The following GRM7 variants were observed in gnomAD, a reference collection of about 807,000 sequenced individuals.
GRM7 encodes glutamate metabotropic receptor 7, also known as metabotropic glutamate receptor 7.
Under a neutral mutation model 84.5 loss-of-function variants are expected in GRM7, and 35 were observed. The ratio of observed to expected loss-of-function variants is 0.41; its 90% CI spans 0.32 to 0.55. The LOEUF is 0.55. Among genes scored for constraint, GRM7 ranks in the 20% least tolerant of loss-of-function variants. The pLI is 0.19. For synonymous variants in GRM7, 487 were observed against 455.1 expected, an observed-to-expected ratio of 1.07 and a Z score of -0.89; for missense variants, 1,003 against 1,194.6, an observed-to-expected ratio of 0.84 and a Z score of 2.36.
chr3:6,940,611 C>T (rs1190664340), intron 1 of GRM7, among the ~76,000 whole-genome samples: 1 of 152,130 alleles, frequency 6.6e-6, no homozygotes, highest in African/African-American at 2.4e-5. Context: ...TTTCTTCTTT[C>T]TTTCACACAC....
chr3:7,066,989 C>T (rs959320475), intron 1 of GRM7, among the ~76,000 whole-genome samples: 26 of 151,890 alleles, frequency 1.7e-4, no homozygotes, highest in Non-Finnish European at 1.5e-5. Flanking sequence ...ATGCTTAAAA[C>T]TCTCAGCAAA....
intron 3 of GRM7, among the ~76,000 whole-genome samples, chr3:7,303,179 A>G (rs1479857740): frequency 6.6e-6 from 1 of 152,056 alleles, no homozygotes; most frequent in Non-Finnish European, 1.5e-5. Flanking sequence ...TGACCTTGTG[A>G]TCCACCTGCC....
intron 7 of GRM7, among the ~76,000 whole-genome samples, chr3:7,558,878 G>T (rs1189595121): frequency 6.6e-6 from 1 of 152,094 alleles, no homozygotes; most frequent in Non-Finnish European, 1.5e-5. Context: ...CTTCAAAGCA[G>T]TTCTCAAGAA....
intron 2 of GRM7, among the ~76,000 whole-genome samples, chr3:7,176,854 C>G (rs1695167572): frequency 6.6e-6 from 1 of 152,184 alleles, no homozygotes; most frequent in Non-Finnish European, 1.5e-5. Flanking sequence ...ATACCTGTGA[C>G]TTCAGGAATC....
intron 4 of GRM7, among the ~76,000 whole-genome samples, chr3:7,407,590 T>A (rs1695738083): frequency 6.6e-6 from 1 of 150,878 alleles, no homozygotes; most frequent in South Asian, 2.2e-4. Context: ...TAAGGTATCC[T>A]ACTATCCTTA....
chr3:7,559,190 A>G (rs1575492525), intron 7 of GRM7: 1 of 146,900 alleles, frequency 6.8e-6, no homozygotes, highest in East Asian at 2.1e-4. Flanking sequence ...CACTGAGGGC[A>G]TCAACAAGAT....
At chr3:7,214,495 A>G (rs114745478) in intron 2 of GRM7, among the ~76,000 whole-genome samples, 2,263 of 152,308 alleles carry the variant, frequency 0.015, 58 homozygotes, top group African/African-American at 0.052. Context: ...TAACGGAGCT[A>G]TGTTCTACTT....
At position 7,452,671 on chromosome 3, in the gene GRM7, C is replaced by T. The variant is rs773679767; in HGVS notation, c.1239C>T (p.Asp413=). 4.3e-5 allele frequency: 70 copies of T among 1,612,896 alleles called. No homozygotes were observed. Among genetic ancestry groups the T allele is most frequent in the Middle Eastern group, 1.6e-4 (1 of 6,070 alleles). The part of the protein sequence containing the change: ...EQEGKVQFVI[D]AVYAMAHALH... ...AGGGTAAAGTCCAGTTCGTGATTGA[C>T]GCAGTCTATGCTATGGCTCACGCCC... Residue 413 remains aspartate, a synonymous_variant, in exon 6 of 10, where the codon GAC becomes GAT. Coordinates refer to ENST00000357716, the MANE Select transcript of GRM7 (RefSeq NM_000844.4).
At chr3:7,261,562 G>A (rs1161654188) in intron 2 of GRM7, among the ~76,000 whole-genome samples, 1 of 152,122 alleles carries the variant, frequency 6.6e-6, no homozygotes, top group Non-Finnish European at 1.5e-5. Context: ...GCCACTGCGT[G>A]TCTTTTAATT....
At chr3:7,144,178 T>C (rs909260280) in intron 1 of GRM7, among the ~76,000 whole-genome samples, 1 of 152,162 alleles carries the variant, frequency 6.6e-6, no homozygotes, top group South Asian at 2.1e-4. Context: ...ATTTAAAAAA[T>C]ATTTTAGTAA....
chr3:7,433,750 G>T (rs1047624728), intron 5 of GRM7, among the ~76,000 whole-genome samples: 1 of 152,118 alleles, frequency 6.6e-6, no homozygotes, highest in Non-Finnish European at 1.5e-5. Flanking sequence ...TATTCCCTAA[G>T]GAATGTTGAA....
At chr3:7,605,018 T>G (rs1696496211) in intron 8 of GRM7, among the ~76,000 whole-genome samples, 1 of 152,204 alleles carries the variant, frequency 6.6e-6, no homozygotes, top group Admixed American at 6.5e-5. Context: ...TTTCATTAGT[T>G]CATTCAGTCC....
intron 5 of GRM7, among the ~76,000 whole-genome samples, chr3:7,450,901 T>G (rs1246608751): frequency 6.6e-6 from 1 of 152,064 alleles, no homozygotes; most frequent in African/African-American, 2.4e-5. Context: ...ATTCTGAATT[T>G]CCCTCTTGGA....
chr3:6,951,555 G>A (rs1453254268), intron 1 of GRM7, among the ~76,000 whole-genome samples: 1 of 152,024 alleles, frequency 6.6e-6, no homozygotes, highest in African/African-American at 2.4e-5. Context: ...AGGTTATTTT[G>A]CAGTACATTA....
chr3:7,612,071 C>G (rs988437859), intron 8 of GRM7, among the ~76,000 whole-genome samples: 1 of 152,118 alleles, frequency 6.6e-6, no homozygotes, highest in African/African-American at 2.4e-5. Context: ...GATGCCTTCT[C>G]ACACCCTTCT....
chr3:6,932,880 G>T (rs989495120), intron 1 of GRM7, among the ~76,000 whole-genome samples: 1 of 147,924 alleles, frequency 6.8e-6, no homozygotes. Flanking sequence ...TCAGCCTCCT[G>T]AGTAGCTGGG....
intron 9 of GRM7, among the ~76,000 whole-genome samples, chr3:7,695,883 A>C (rs574053287): frequency 7.2e-5 from 11 of 152,292 alleles, no homozygotes; most frequent in African/African-American, 2.4e-4. Flanking sequence ...GTCAATCCAT[A>C]CAGTAGCCAC....
intron 3 of GRM7, among the ~76,000 whole-genome samples, chr3:7,305,634 G>GCTGCTTCTTTTTT (rs1485107689): frequency 2.2e-5 from 1 of 45,932 alleles, no homozygotes; most frequent in Non-Finnish European, 8.9e-5. Flanking sequence ...TACTGAGAAT[G>GCTGCTTCTTTTTT]ATTTTTTTCT....
At chr3:7,352,154 G>T (rs562849424) in intron 4 of GRM7, among the ~76,000 whole-genome samples, 1 of 149,440 alleles carries the variant, frequency 6.7e-6, no homozygotes, top group Non-Finnish European at 1.5e-5. Flanking sequence ...GGGGTTTCTG[G>T]AATTGATTTT....
Sources: gnomAD v4.1 joint callset for allele counts (sites outside exome capture counted in the v4.1 genomes callset) on GRCh38, gnomAD v4.1.1 for gene constraint, MANE v1.5 for transcripts, NCBI Gene and HGNC (gene_info 2026-07-23, HGNC 2026-07-21) for gene names.